Variants in RARB observed in about 807,000 individuals in gnomAD.
The protein encoded by RARB is HBV-activated protein.
A neutral mutation model predicts 51.9 loss-of-function variants in RARB; 17 were observed. The ratio of observed to expected loss-of-function variants is 0.33; its 90% CI spans 0.22 to 0.49. RARB has a LOEUF of 0.49. Ranked by LOEUF, RARB falls within the 20% of genes least tolerant of loss-of-function variation. The pLI, the probability that RARB is intolerant of heterozygous loss-of-function variation, is 0.99. For missense variants in RARB, 369 were observed against 550.8 expected (o/e 0.67, Z 3.30); for synonymous variants, 215 against 195.4 (o/e 1.10, Z -0.84).
intron 3 of RARB, among the ~76,000 whole-genome samples, chr3:25,068,502 A>G (rs984857442): frequency 6.6e-6 from 1 of 152,210 alleles, no homozygotes; most frequent in African/African-American, 2.4e-5. Context: ...AAATAAAAAG[A>G]CTTAAATTAC....
intron 5 of RARB, among the ~76,000 whole-genome samples, chr3:25,394,351 G>T (rs1010294289): frequency 1.3e-5 from 2 of 152,136 alleles, no homozygotes; most frequent in Non-Finnish European, 2.9e-5. Flanking sequence ...TCAATGTGCT[G>T]ATGAATAGAA....
At chr3:25,171,570 G>A (rs1044947872) in intron 4 of RARB, among the ~76,000 whole-genome samples, 36 of 116,042 alleles carry the variant, frequency 3.1e-4, no homozygotes, top group Middle Eastern at 0.015. Context: ...AATCTGCAGC[G>A]TTTGAAAGCA....
chr3:24,959,761 AAG>A (rs1696099016), intron 2 of RARB, among the ~76,000 whole-genome samples: 1 of 152,220 alleles, frequency 6.6e-6, no homozygotes. Context: ...CAAAAAAGAA[AAG>A]AGAGGAAGGG....
chr3:24,900,829 G>C (rs1476711068), intron 2 of RARB, among the ~76,000 whole-genome samples: 1 of 152,076 alleles, frequency 6.6e-6, no homozygotes, highest in African/African-American at 2.4e-5. Context: ...TAAAATTTCA[G>C]GGAAAAGTTG....
chr3:25,510,370 T>C (rs192599896), intron 3 of RARB, among the ~76,000 whole-genome samples: 1 of 152,312 alleles, frequency 6.6e-6, no homozygotes, highest in Admixed American at 6.5e-5. Context: ...ACACCTGTAA[T>C]CCCAGCACTT....
intron 5 of RARB, among the ~76,000 whole-genome samples, chr3:25,372,243 T>A (rs1706322913): frequency 6.6e-6 from 1 of 152,220 alleles, no homozygotes; most frequent in Non-Finnish European, 1.5e-5. Context: ...TCTGGATAAT[T>A]CTTTGCTGTG....
At chr3:25,462,126 G>A (rs900345000) in intron 2 of RARB, among the ~76,000 whole-genome samples, 1 of 152,172 alleles carries the variant, frequency 6.6e-6, no homozygotes, top group Non-Finnish European at 1.5e-5. Flanking sequence ...TCAGCCTGTA[G>A]GGACTTGCTA....
At chr3:25,288,804 G>A (rs553513424) in intron 5 of RARB, among the ~76,000 whole-genome samples, 1 of 151,488 alleles carries the variant, frequency 6.6e-6, no homozygotes, top group East Asian at 1.9e-4. Flanking sequence ...TGAAATTTCT[G>A]CTTTGAATTG....
chr3:25,150,990 A>G (rs1700278730), intron 4 of RARB, among the ~76,000 whole-genome samples: 1 of 152,146 alleles, frequency 6.6e-6, no homozygotes, highest in Non-Finnish European at 1.5e-5. Context: ...TCTATACAAT[A>G]TTTTCCCATT....
intron 5 of RARB, among the ~76,000 whole-genome samples, chr3:25,252,758 G>T (rs1702759104): frequency 6.6e-6 from 1 of 152,118 alleles, no homozygotes; most frequent in Non-Finnish European, 1.5e-5. Context: ...TGGAAGGACT[G>T]CTTCAAATTT....
intron 2 of RARB, among the ~76,000 whole-genome samples, chr3:24,994,709 G>A (rs914689327): frequency 2.6e-5 from 4 of 151,928 alleles, no homozygotes; most frequent in African/African-American, 9.7e-5. Flanking sequence ...CATTCTGCAT[G>A]TGGATATCCA....
At chr3:25,442,682 G>A (rs1027899325) in intron 1 of RARB, among the ~76,000 whole-genome samples, 5 of 152,164 alleles carry the variant, frequency 3.3e-5, no homozygotes, top group African/African-American at 1.2e-4. Context: ...GTAGGGTGGT[G>A]ATTTCAGTCA....
chr3:25,268,743 A>G (rs548788916), intron 5 of RARB, among the ~76,000 whole-genome samples: 2 of 152,286 alleles, frequency 1.3e-5, no homozygotes, highest in African/African-American at 4.8e-5. Flanking sequence ...ACATTGTCTC[A>G]TTATAGAAAC....
chr3:25,376,550 A>T (rs1706465358), intron 5 of RARB, among the ~76,000 whole-genome samples: 2 of 152,180 alleles, frequency 1.3e-5, no homozygotes, highest in South Asian at 4.1e-4. Context: ...GTAGATTTTT[A>T]AACTTGGAAA....
chr3:25,385,624 C>T (rs1706770788), intron 5 of RARB, among the ~76,000 whole-genome samples: 2 of 151,954 alleles, frequency 1.3e-5, no homozygotes, highest in Admixed American at 6.6e-5. Flanking sequence ...TATTAGTTGA[C>T]CTCCTGCAAT....
chr3:25,100,529 C>G (rs1435824746), intron 3 of RARB, among the ~76,000 whole-genome samples: 1 of 152,110 alleles, frequency 6.6e-6, no homozygotes, highest in Non-Finnish European at 1.5e-5. Context: ...AGATCTGGTT[C>G]CTAAGAATAC....
At chr3:24,996,510 C>T (rs1049718290) in intron 2 of RARB, among the ~76,000 whole-genome samples, 1 of 151,548 alleles carries the variant, frequency 6.6e-6, no homozygotes, top group African/African-American at 2.4e-5. Context: ...TTTGCTTATC[C>T]TTGCTTTTCT....
intron 1 of RARB, among the ~76,000 whole-genome samples, chr3:25,437,486 T>A (rs1708484022): frequency 6.6e-6 from 1 of 152,156 alleles, no homozygotes; most frequent in African/African-American, 2.4e-5. Flanking sequence ...CCAAGATGAA[T>A]CAGACACTGT....
intron 5 of RARB, among the ~76,000 whole-genome samples, chr3:25,581,412 C>T (rs984733677): frequency 6.6e-6 from 1 of 152,172 alleles, no homozygotes; most frequent in East Asian, 1.9e-4. Flanking sequence ...TCCAAGGAAA[C>T]AGTCCCAGCC....
Sources: allele counts gnomAD v4.1 joint callset (sites outside exome capture counted in the v4.1 genomes callset), GRCh38; gene constraint gnomAD v4.1.1; transcripts MANE v1.5; gene names NCBI Gene and HGNC (gene_info 2026-07-23, HGNC 2026-07-21).